SWAP70: variants seen among roughly 807,000 people sequenced by gnomAD.
SWAP70 encodes switching B cell complex subunit SWAP70, also known as switch-associated protein 70.
In SWAP70, 34 loss-of-function variants were observed where a neutral mutation model predicts 80.2. The ratio of observed to expected loss-of-function variants is 0.42; its 90% CI spans 0.32 to 0.56. SWAP70 has a LOEUF of 0.56. Ranked by LOEUF, SWAP70 falls within the 20% of genes least tolerant of loss-of-function variation. The probability of loss-of-function intolerance (pLI) is 0.09; values close to 1 mark genes in which losing one functional copy is unlikely to be tolerated. For synonymous variants in SWAP70, 239 were observed against 238.5 expected, an observed-to-expected ratio of 1.00 and a Z score of -0.02; for missense variants, 578 against 690.7, an observed-to-expected ratio of 0.84 and a Z score of 1.83.
chr11:9,669,039 C>G (rs771157889), intron 1 of SWAP70, among the ~76,000 whole-genome samples: 2 of 152,092 alleles, frequency 1.3e-5, no homozygotes, highest in Non-Finnish European at 2.9e-5. Flanking sequence ...AACATAAAGT[C>G]TGGTGGTGAA....
At position 9,672,416 on chromosome 11, in the gene SWAP70, G is replaced by A. The variant is rs543726963; in HGVS notation, c.99+8138G>A. ...GTCTCACTCTGTCACTCAGGCTGGA[G>A]TGCAGTGGCACGATCATAGCTCACC... On this transcript the variant is annotated intron_variant, in intron 1 of 11. Transcript: ENST00000318950. Among the ~76,000 whole-genome samples the A allele has an allele frequency of 8.6e-5, 13 of 151,106 alleles. 1 individual carries two copies. The South Asian group carries it at 2.7e-3, about 32-fold the overall frequency.
intron 3 of SWAP70, among the ~76,000 whole-genome samples, chr11:9,718,114 A>T (rs1271044594): frequency 6.6e-6 from 1 of 152,240 alleles, no homozygotes; most frequent in Non-Finnish European, 1.5e-5. Flanking sequence ...GCTAACAGAA[A>T]TGTCTTGATT....
intron 1 of SWAP70, among the ~76,000 whole-genome samples, chr11:9,691,454 G>C (rs1292492712): frequency 6.6e-6 from 1 of 152,330 alleles, no homozygotes; most frequent in East Asian, 1.9e-4. Context: ...CCTAAGTAAA[G>C]ATGGTTAAGA....
chr11:9,718,347 T>C (rs1286839515), intron 3 of SWAP70, among the ~76,000 whole-genome samples: 2 of 152,160 alleles, frequency 1.3e-5, no homozygotes, highest in African/African-American at 2.4e-5. Context: ...GAAGGGATCA[T>C]TGGAGTAGAT....
At chr11:9,689,930 C>T (rs1482788702) in intron 1 of SWAP70, among the ~76,000 whole-genome samples, 1 of 152,138 alleles carries the variant, frequency 6.6e-6, no homozygotes, top group Non-Finnish European at 1.5e-5. Context: ...AAACAACTCA[C>T]GGGCGTGTCC....
chr11:9,686,611 A>G (rs1850636356), intron 1 of SWAP70, among the ~76,000 whole-genome samples: 1 of 151,962 alleles, frequency 6.6e-6, no homozygotes. Context: ...GGCCTCCCTC[A>G]GTGCTGGGAT....
chr11:9,730,327 TAAAAAAAAAAA>T (rs58068637), intron 6 of SWAP70, among the ~76,000 whole-genome samples: 2 of 136,934 alleles, frequency 1.5e-5, no homozygotes, highest in African/African-American at 5.4e-5. Context: ...CGTCTCTACT[TAAAAAAAAAAA>T]AAAAAAAAGA....
At chr11:9,669,170 C>T (rs559191697) in intron 1 of SWAP70, among the ~76,000 whole-genome samples, 1 of 152,278 alleles carries the variant, frequency 6.6e-6, no homozygotes, top group East Asian at 1.9e-4. Flanking sequence ...AAAAAAGCTT[C>T]TTTGAAATGA....
At chr11:9,713,090 T>C (rs1851020312) in intron 2 of SWAP70, among the ~76,000 whole-genome samples, 1 of 152,222 alleles carries the variant, frequency 6.6e-6, no homozygotes, top group African/African-American at 2.4e-5. Context: ...CTAGGATTGG[T>C]AGCCTGTTTA....
chr11:9,664,382 C>G, intron 1 of SWAP70, 104 bp downstream of exon 1: 1 of 1,343,968 alleles, frequency 7.4e-7, no homozygotes, highest in Non-Finnish European at 1.0e-6. Flanking sequence ...CAGGGCGGGG[C>G]GGGTCGGAAT....
At chr11:9,734,326 A>G (rs550331032) in intron 7 of SWAP70, among the ~76,000 whole-genome samples, 1 of 152,318 alleles carries the variant, frequency 6.6e-6, no homozygotes, top group Non-Finnish European at 1.5e-5. Context: ...TTGACTTAGC[A>G]TTGTACATTT....
intron 2 of SWAP70, among the ~76,000 whole-genome samples, chr11:9,712,547 T>TA (rs71034735): frequency 0.35 from 53,615 of 151,802 alleles, 9,829 homozygotes; most frequent in African/African-American, 0.42. Context: ...TTTAAATTAA[T>TA]TAAACAATGT....
chr11:9,701,070 TTTG>T (rs1850824703), intron 2 of SWAP70, among the ~76,000 whole-genome samples: 3 of 152,216 alleles, frequency 2.0e-5, no homozygotes, highest in Admixed American at 6.5e-5. Context: ...TTGTATTTAC[TTTG>T]TTATTTTACA....
intron 1 of SWAP70, among the ~76,000 whole-genome samples, chr11:9,678,534 T>C (rs537575192): frequency 6.2e-4 from 91 of 147,114 alleles, no homozygotes; most frequent in Middle Eastern, 3.5e-3. Flanking sequence ...ACACGTAAAC[T>C]CTGAGGTGCT....
chr11:9,748,991 G>A lies in SWAP70; in HGVS notation c.1555-96G>A, dbSNP rs978385419. 2.1e-5 allele frequency: 13 copies of A among 610,700 alleles called. No homozygotes were observed. In the African/African-American group the frequency reaches 2.5e-4, roughly 12 times the overall value. 37.8% of individuals were successfully genotyped at this position (610,700 alleles called of 1,614,324 possible). ...AATGGGCTATGAGAGGATTTAATGA[G>A]ATAATTCACAAATACATAGTAAGGG... On this transcript the variant is annotated intron_variant, in intron 10 of 11. Transcript: ENST00000318950.
rs566710059 is a variant in SWAP70 at position 9,738,375 on chromosome 11, G to A, written c.1188+55G>A. 5.9e-6 allele frequency: 8 copies of A among 1,355,178 alleles called. No homozygotes were observed. The Admixed American group carries it at 1.7e-4, about 29-fold the overall frequency. 83.9% of individuals were successfully genotyped at this position (1,355,178 alleles called of 1,614,324 possible). A position where few individuals can be genotyped will look rare whatever the true frequency, so the allele number is the denominator to read the frequency against. On this transcript the variant is annotated intron_variant, in intron 8 of 11. Coordinates refer to ENST00000318950, the MANE Select transcript of SWAP70 (RefSeq NM_015055.4). Reference sequence around the variant, plus strand: ...TGCAGTAGCTCAGCCTGGGTCGGTGGGAACAGGGAAGGGCTGGAGGCTACA... The same window carrying A: ...TGCAGTAGCTCAGCCTGGGTCGGTGAGAACAGGGAAGGGCTGGAGGCTACA...
At position 9,738,265 on chromosome 11, in the gene SWAP70, A is replaced by C; in HGVS notation, c.1133A>C (p.Gln378Pro). ...GCAGAAGAGGAAAAGAAACGCCTTC[A>C]GACTCAAGTGGAACTTCAGGCCAGG... Reference protein sequence around the residue: ...RAAEEEKKRLQTQVELQARFS... With the variant: ...RAAEEEKKRLPTQVELQARFS... Residue 378 changes from glutamine to proline, a missense_variant, in exon 8 of 12, where the codon CAG (glutamine) becomes CCG (proline). Gln to Pro is a moderately conservative substitution (Grantham distance 76, BLOSUM62 -1). Transcript: ENST00000318950. 1 of 1,611,884 alleles carries C rather than the reference A, an allele frequency of 6.2e-7. No homozygotes were observed. Among genetic ancestry groups the C allele is most frequent in the South Asian group, 1.1e-5 (1 of 90,666 alleles).
At chr11:9,689,092 G>A (rs927111018) in intron 1 of SWAP70, among the ~76,000 whole-genome samples, 9 of 152,254 alleles carry the variant, frequency 5.9e-5, no homozygotes, top group Admixed American at 1.3e-4. Flanking sequence ...CCCCCACTCC[G>A]CTTTTTTTTC....
intron 9 of SWAP70, among the ~76,000 whole-genome samples, chr11:9,742,175 G>A (rs1243588645): frequency 6.6e-6 from 1 of 152,084 alleles, no homozygotes; most frequent in Non-Finnish European, 1.5e-5. Flanking sequence ...GAATCCAGAT[G>A]TAACTTCTAC....
Sources: gnomAD v4.1 joint callset for allele counts (sites outside exome capture counted in the v4.1 genomes callset) on GRCh38, gnomAD v4.1.1 for gene constraint, MANE v1.5 for transcripts, NCBI Gene and HGNC (gene_info 2026-07-23, HGNC 2026-07-21) for gene names.